The following DPYD variants were observed in gnomAD, a reference collection of about 807,000 sequenced individuals.
The protein encoded by DPYD is dihydropyrimidine dehydrogenase, also known as dihydropyrimidine dehydrogenase [NADP(+)].
DPYD carries 109 observed loss-of-function variants against 116.2 expected under a neutral mutation model. The ratio of observed to expected loss-of-function variants is 0.94; its 90% CI spans 0.80 to 1.10. DPYD has a LOEUF of 1.10. Among genes scored for constraint, DPYD ranks in the 50% least tolerant of loss-of-function variants. The pLI, the probability that DPYD is intolerant of heterozygous loss-of-function variation, is 0.00. For missense variants in DPYD, 1,302 were observed against 1,254.5 expected, an observed-to-expected ratio of 1.04 and a Z score of -0.57; for synonymous variants, 440 against 432.0, an observed-to-expected ratio of 1.02 and a Z score of -0.23.
At chr1:97,230,420 G>C (rs531844013) in intron 19 of DPYD, among the ~76,000 whole-genome samples, 5 of 152,134 alleles carry the variant, frequency 3.3e-5, no homozygotes, top group African/African-American at 1.2e-4. Flanking sequence ...ACTTAGAAGT[G>C]GAAACTAAAT....
chr1:97,815,399 A>G (rs1267461815), intron 3 of DPYD, among the ~76,000 whole-genome samples: 1 of 152,206 alleles, frequency 6.6e-6, no homozygotes, highest in Non-Finnish European at 1.5e-5. Context: ...TAGACATTGA[A>G]AAGAGGAGGA....
At chr1:97,692,279 T>C (rs1432243479) in intron 6 of DPYD, among the ~76,000 whole-genome samples, 2 of 152,152 alleles carry the variant, frequency 1.3e-5, no homozygotes, top group African/African-American at 2.4e-5. Context: ...AATGTGTAAC[T>C]GTATTACCAT....
At chr1:97,323,711 T>C (rs1167277646) in intron 16 of DPYD, among the ~76,000 whole-genome samples, 3 of 145,446 alleles carry the variant, frequency 2.1e-5, no homozygotes, top group Admixed American at 1.4e-4. Context: ...CGTATATATA[T>C]ACACACACAC....
At chr1:97,890,118 G>A (rs1295927470) in intron 1 of DPYD, among the ~76,000 whole-genome samples, 1 of 151,946 alleles carries the variant, frequency 6.6e-6, no homozygotes, top group Admixed American at 6.6e-5. Flanking sequence ...GCGGATTAGG[G>A]AGAAATGAGA....
intron 7 of DPYD, among the ~76,000 whole-genome samples, chr1:97,684,004 T>G (rs1041187127): frequency 6.6e-6 from 1 of 152,178 alleles, no homozygotes; most frequent in African/African-American, 2.4e-5. Context: ...GAAGTAAGTT[T>G]ACAACTCAAG....
chr1:97,546,631 T>C (rs1650888172), intron 12 of DPYD: 5 of 1,612,506 alleles, frequency 3.1e-6, no homozygotes, highest in South Asian at 1.1e-5. Context: ...ACAAGAATGG[T>C]GGTGGCTTTA....
At chr1:97,136,038 C>G (rs887906641) in intron 20 of DPYD, among the ~76,000 whole-genome samples, 11 of 152,280 alleles carry the variant, frequency 7.2e-5, no homozygotes, top group Admixed American at 3.3e-4. Context: ...CGAGGAGTTA[C>G]TATCATTCCC....
At chr1:97,546,799 G>T in intron 12 of DPYD, 1 of 1,612,960 alleles carries the variant, frequency 6.2e-7, no homozygotes, top group African/African-American at 1.3e-5. Flanking sequence ...TATGGGTTTG[G>T]ATCAGATTAA....
chr1:97,654,500 A>G (rs1157173712), intron 8 of DPYD, among the ~76,000 whole-genome samples: 1 of 152,122 alleles, frequency 6.6e-6, no homozygotes, highest in Non-Finnish European at 1.5e-5. Context: ...GGGAGTTATA[A>G]TAAAGTAATA....
At chr1:97,825,059 A>G (rs1418508102) in intron 3 of DPYD, among the ~76,000 whole-genome samples, 1 of 151,980 alleles carries the variant, frequency 6.6e-6, no homozygotes, top group Non-Finnish European at 1.5e-5. Context: ...CTCTCTCTCT[A>G]CATCAATTAA....
intron 11 of DPYD, among the ~76,000 whole-genome samples, chr1:97,566,266 C>T (rs997391021): frequency 6.6e-6 from 1 of 152,172 alleles, no homozygotes; most frequent in Non-Finnish European, 1.5e-5. Context: ...TCTCTTTTCA[C>T]TACTTTATCC....
chr1:97,897,897 T>C (rs990341349), intron 1 of DPYD, among the ~76,000 whole-genome samples: 10 of 151,886 alleles, frequency 6.6e-5, no homozygotes, highest in African/African-American at 9.7e-5. Context: ...TTATTTTTAA[T>C]TGGATGATAG....
chr1:97,594,095 C>T (rs1322122672), intron 9 of DPYD, among the ~76,000 whole-genome samples: 1 of 152,008 alleles, frequency 6.6e-6, no homozygotes, highest in African/African-American at 2.4e-5. Flanking sequence ...TGCAAGTATT[C>T]CTTATGTGTT....
chr1:97,761,656 A>T (rs1206215992), intron 3 of DPYD, among the ~76,000 whole-genome samples: 1 of 152,096 alleles, frequency 6.6e-6, no homozygotes, highest in East Asian at 1.9e-4. Context: ...TCAATCAAGC[A>T]ATCTTATTAC....
chr1:97,515,978 A>T, intron 12 of DPYD, 37 bp from the exon 13 acceptor site: 1 of 1,568,082 alleles, frequency 6.4e-7, no homozygotes. Context: ...TTCATATTAC[A>T]TCTAAATTGT....
intron 12 of DPYD, among the ~76,000 whole-genome samples, chr1:97,529,836 TTC>T (rs1649460717): frequency 6.6e-6 from 1 of 150,690 alleles, no homozygotes. Flanking sequence ...TTTCTCTCTC[TTC>T]TCTCTCCCTT....
intron 2 of DPYD, among the ~76,000 whole-genome samples, chr1:97,840,163 G>C (rs1041551088): frequency 2.0e-5 from 3 of 151,880 alleles, no homozygotes; most frequent in African/African-American, 7.3e-5. Context: ...GATTTTTAGA[G>C]GAAAATGTAT....
intron 20 of DPYD, among the ~76,000 whole-genome samples, chr1:97,181,027 T>A (rs1473881962): frequency 1.3e-5 from 2 of 152,180 alleles, no homozygotes; most frequent in African/African-American, 2.4e-5. Flanking sequence ...ATTGGTGACC[T>A]GTTGGTACTC....
chr1:97,736,406 A>C (rs559758307), intron 4 of DPYD, among the ~76,000 whole-genome samples: 5 of 140,650 alleles, frequency 3.6e-5, no homozygotes, highest in East Asian at 2.0e-4. Context: ...GTCTGGCAAC[A>C]AAAAAAAAAC....
Sources: allele counts gnomAD v4.1 joint callset (sites outside exome capture counted in the v4.1 genomes callset), GRCh38; gene constraint gnomAD v4.1.1; transcripts MANE v1.5; gene names NCBI Gene and HGNC (gene_info 2026-07-23, HGNC 2026-07-21).